PRDM11: variants seen among roughly 807,000 people sequenced by gnomAD.
The protein encoded by PRDM11 is PR/SET domain 11, also known as PR domain-containing protein 11.
Under a neutral mutation model 97.8 loss-of-function variants are expected in PRDM11, and 20 were observed. The observed-to-expected ratio is 0.20, with a 90% CI of 0.14 to 0.30. The LOEUF is 0.30. Among genes scored for constraint, PRDM11 ranks in the 10% least tolerant of loss-of-function variants. The probability of loss-of-function intolerance (pLI) is 1.00; values close to 1 mark genes in which losing one functional copy is unlikely to be tolerated. For missense variants in PRDM11, 1,139 were observed against 1,555.2 expected, an observed-to-expected ratio of 0.73 and a Z score of 4.50; for synonymous variants, 599 against 637.7, an observed-to-expected ratio of 0.94 and a Z score of 0.91.
At chr11:45,135,950 A>T (rs1430756982) in intron 1 of PRDM11, among the ~76,000 whole-genome samples, 1 of 152,228 alleles carries the variant, frequency 6.6e-6, no homozygotes, top group Non-Finnish European at 1.5e-5. Context: ...GGGGCCTAAG[A>T]AAACAGGATG....
chr11:45,193,961 T>TC (rs1054607427), intron 4 of PRDM11, among the ~76,000 whole-genome samples: 25 of 152,206 alleles, frequency 1.6e-4, no homozygotes, highest in African/African-American at 5.3e-4. Context: ...GAGCAAGGGC[T>TC]CCCTGGGGGA....
intron 1 of PRDM11, among the ~76,000 whole-genome samples, chr11:45,113,808 GTGTGTGT>G (rs1214030037): frequency 8.6e-5 from 6 of 69,800 alleles, no homozygotes; most frequent in Non-Finnish European, 2.6e-4. Flanking sequence ...GTGTGTGTGT[GTGTGTGT>G]GTGTGTGTGT....
At chr11:45,191,157 T>C (rs1590424602) in intron 4 of PRDM11, among the ~76,000 whole-genome samples, 1 of 152,242 alleles carries the variant, frequency 6.6e-6, no homozygotes, top group Non-Finnish European at 1.5e-5. Context: ...TTGATACTTT[T>C]GAAAAGTTCA....
At chr11:45,162,267 G>A (rs1428664363) in intron 1 of PRDM11, among the ~76,000 whole-genome samples, 2 of 152,140 alleles carry the variant, frequency 1.3e-5, no homozygotes, top group East Asian at 3.9e-4. Context: ...GTCCTGTGGT[G>A]TGGGCAGGGG....
chr11:45,156,257 C>T (rs943081407), intron 1 of PRDM11, among the ~76,000 whole-genome samples: 6 of 152,218 alleles, frequency 3.9e-5, no homozygotes, highest in African/African-American at 1.2e-4. Context: ...TGCCTTTATG[C>T]GGCCACTTGA....
chr11:45,097,272 G>A (rs547273693), intron 1 of PRDM11, among the ~76,000 whole-genome samples: 2 of 152,226 alleles, frequency 1.3e-5, no homozygotes, highest in East Asian at 1.9e-4. Context: ...TCACCTGGCT[G>A]AGCCTCAATT....
chr11:45,143,009 T>C (rs1050134199), upstream of PRDM11, among the ~76,000 whole-genome samples: 4 of 152,270 alleles, frequency 2.6e-5, no homozygotes, highest in Admixed American at 1.3e-4. Flanking sequence ...GAAGTGAAGG[T>C]GGAATTTGGC....
chr11:45,195,973 C>G (rs77588372), intron 4 of PRDM11, among the ~76,000 whole-genome samples: 4,611 of 152,290 alleles, frequency 0.03, 133 homozygotes, highest in South Asian at 0.061. Context: ...ATGAATAATG[C>G]TGCTGTAAAC....
At chr11:45,225,595 A>G (rs1854255550) in intron 7 of PRDM11, among the ~76,000 whole-genome samples, 1 of 152,212 alleles carries the variant, frequency 6.6e-6, no homozygotes, top group African/African-American at 2.4e-5. Context: ...GTTCACATTA[A>G]TGAAGGGCAA....
intron 1 of PRDM11, among the ~76,000 whole-genome samples, chr11:45,159,121 T>C: frequency 6.6e-6 from 1 of 152,218 alleles, no homozygotes; most frequent in East Asian, 1.9e-4. Context: ...CCCTGGCACC[T>C]GCCAGTGGCT....
In PRDM11 at chr11:45,135,834, T is replaced by A. The variant is rs528729602; in HGVS notation, c.96+39933T>A. The stretch of plus-strand genomic sequence containing the variant: ...TCCGAGTCTAACGATGAGAAAAACA[T>A]CAGACAAACTACAATAGAGGATTCT... On this transcript the variant is annotated intron_variant, in intron 1 of 6. Coordinates refer to the PRDM11 transcript ENST00000530656. Among the ~76,000 whole-genome samples the A allele has an allele frequency of 4.6e-5, 7 of 152,152 alleles. No individual in the cohort carries two copies. The Middle Eastern group carries it at 0.014, about 296-fold the overall frequency.
chr11:45,115,904 T>G (rs1590347758), intron 1 of PRDM11, among the ~76,000 whole-genome samples: 1 of 139,878 alleles, frequency 7.1e-6, no homozygotes. Context: ...CACTCCAGCC[T>G]GGGTGACGAG....
At chr11:45,116,150 TGACTA>T (rs1205887747) in intron 1 of PRDM11, among the ~76,000 whole-genome samples, 2 of 152,144 alleles carry the variant, frequency 1.3e-5, no homozygotes, top group African/African-American at 2.4e-5. Context: ...AAAGCAATCC[TGACTA>T]GACTAAAGGG....
Position 45,208,654 on chromosome 11 carries a change from C to CT in PRDM11, c.554+3877dup, listed in dbSNP as rs556216011. Among the ~76,000 whole-genome samples, 270 of 152,276 alleles carry CT rather than the reference C, an allele frequency of 1.8e-3. 2 individuals carry two copies. The highest frequency in any genetic ancestry group is 6.3e-3 in the African/African-American group (261 of 41,564). On this transcript the variant is annotated intron_variant, in intron 5 of 7. Coordinates refer to ENST00000683152, the MANE Select transcript of PRDM11 (RefSeq NM_001384648.1). ...GGCCCTGAAACCAAGGCCTTCGACT[C>CT]TGAGTTCAGTGCTCCCTCCCATGTA...
chr11:45,213,442 C>T, intron 5 of PRDM11: 1 of 449,254 alleles, frequency 2.2e-6, no homozygotes, highest in South Asian at 1.6e-5. Flanking sequence ...GGCCCTGATG[C>T]TGCTTCTTTT....
upstream of PRDM11, among the ~76,000 whole-genome samples, chr11:45,142,290 C>T (rs1231516540): frequency 2.6e-5 from 4 of 152,280 alleles, no homozygotes; most frequent in East Asian, 7.7e-4. Context: ...TGCCACACTG[C>T]ACCCTGGGCA....
At chr11:45,187,762 A>G (rs187013699) in intron 4 of PRDM11, among the ~76,000 whole-genome samples, 66 of 152,152 alleles carry the variant, frequency 4.3e-4, no homozygotes, top group African/African-American at 1.5e-3. Flanking sequence ...TTGAAGGCCT[A>G]GAGCCACCAG....
At chr11:45,130,352 T>C (rs1257626772) in intron 1 of PRDM11, among the ~76,000 whole-genome samples, 1 of 152,104 alleles carries the variant, frequency 6.6e-6, no homozygotes, top group Non-Finnish European at 1.5e-5. Context: ...TGGCAATACA[T>C]ATATCTGAGA....
At chr11:45,223,121 G>A (rs1565344834) in intron 6 of PRDM11, among the ~76,000 whole-genome samples, 1 of 152,170 alleles carries the variant, frequency 6.6e-6, no homozygotes, top group Non-Finnish European at 1.5e-5. Flanking sequence ...TTTGAGACCA[G>A]CCTGGGCAAC....
Sources: gnomAD v4.1 joint callset for allele counts (sites outside exome capture counted in the v4.1 genomes callset) on GRCh38, gnomAD v4.1.1 for gene constraint, MANE v1.5 for transcripts, NCBI Gene and HGNC (gene_info 2026-07-23, HGNC 2026-07-21) for gene names.